The following LCORL variants were observed in gnomAD, a reference collection of about 807,000 sequenced individuals.
LCORL encodes the protein ligand dependent nuclear receptor corepressor like, also known as ligand-dependent nuclear receptor corepressor-like protein.
In LCORL, 41 loss-of-function variants were observed where a neutral mutation model predicts 141.8. That is an observed-to-expected ratio of 0.29 (90% CI 0.23 to 0.38). The LOEUF is 0.38. LCORL is among the 10% of genes least tolerant of loss of function. LCORL has a pLI of 1.00. For missense variants in LCORL, 1,759 were observed against 2,035.0 expected (o/e 0.86, Z 2.61); for synonymous variants, 618 against 694.1 (o/e 0.89, Z 1.72).
At chr4:17,940,426 T>C (rs759146080) in intron 4 of LCORL, among the ~76,000 whole-genome samples, 1 of 148,092 alleles carries the variant, frequency 6.8e-6, no homozygotes, top group African/African-American at 2.4e-5. Flanking sequence ...AATAGTTTTA[T>C]ATTACTATAA....
Position 18,021,323 on chromosome 4 carries a change from G to C in LCORL, c.154+275C>G, listed in dbSNP as rs1725532097. Among the ~76,000 whole-genome samples the C allele has an allele frequency of 6.6e-6, 1 of 152,122 alleles. No individual in the cohort carries two copies. The highest frequency in any genetic ancestry group is 2.1e-4 in the South Asian group (1 of 4,832). On this transcript the variant is annotated intron_variant, in intron 1 of 7. Coordinates refer to ENST00000635767, the Ensembl canonical transcript of LCORL. The surrounding 1 kb of genome is among the most constrained non-coding windows in gnomAD (Gnocchi z 5.5). ...AGGAGTTTCGGGGAGAGAGCGAGCG[G>C]GCGGCTTCCGCGGGGGCTCAGCAAG...
exon 8 of LCORL, chr4:17,843,262 A>G (rs1482621444): frequency 6.3e-7 from 1 of 1,583,388 alleles, no homozygotes; most frequent in Non-Finnish European, 8.6e-7. Flanking sequence ...CTGGTTTTAA[A>G]GCTTGTATCT....
At chr4:18,005,744 A>G (rs780085699) in intron 1 of LCORL, among the ~76,000 whole-genome samples, 10 of 152,212 alleles carry the variant, frequency 6.6e-5, no homozygotes, top group Admixed American at 2.0e-4. Context: ...GGCCCCTTTC[A>G]GTAATGGCTG....
chr4:17,924,731 T>C (rs1734847919), intron 4 of LCORL, among the ~76,000 whole-genome samples: 1 of 152,158 alleles, frequency 6.6e-6, no homozygotes, highest in South Asian at 2.1e-4. Context: ...AGTGAAGCAG[T>C]GGGCTCATGC....
At chr4:17,875,052 A>G (rs1355503963) in exon 7 of LCORL, 14 of 1,233,584 alleles carry the variant, frequency 1.1e-5, no homozygotes, top group Middle Eastern at 2.1e-4. Flanking sequence ...ATTTTTAAAT[A>G]TATCAGCTTC....
At chr4:17,887,598 A>C (rs1728465282) in intron 5 of LCORL, among the ~76,000 whole-genome samples, 1 of 152,168 alleles carries the variant, frequency 6.6e-6, no homozygotes, top group African/African-American at 2.4e-5. Flanking sequence ...GAAGGAAGCC[A>C]GGCCAAGAGT....
At chr4:17,900,395 T>C (rs1730689596) in intron 5 of LCORL, among the ~76,000 whole-genome samples, 1 of 152,196 alleles carries the variant, frequency 6.6e-6, no homozygotes, top group African/African-American at 2.4e-5. Context: ...TATTTATATT[T>C]GATATTTCTT....
chr4:17,889,337 A>G (rs13141926), intron 5 of LCORL, among the ~76,000 whole-genome samples: 18,919 of 152,064 alleles, frequency 0.12, 1,308 homozygotes, highest in South Asian at 0.24. Flanking sequence ...CATCTAGGCT[A>G]TGTTAAAAGT....
chr4:17,973,028 G>A (rs1007212220), intron 1 of LCORL, 143 bp from the exon 2 acceptor site: 9 of 379,446 alleles, frequency 2.4e-5, no homozygotes, highest in Admixed American at 1.4e-4. Context: ...ACTGAAGTAG[G>A]CAATATACAA....
chr4:17,849,967 A>G (rs1040471436), intron 7 of LCORL, among the ~76,000 whole-genome samples: 11 of 151,730 alleles, frequency 7.2e-5, no homozygotes, highest in African/African-American at 2.4e-4. Context: ...AGCCCTCAGA[A>G]ATAATGCCAC....
At chr4:17,969,681 A>G (rs987503821) in intron 2 of LCORL, among the ~76,000 whole-genome samples, 1 of 152,204 alleles carries the variant, frequency 6.6e-6, no homozygotes, top group Non-Finnish European at 1.5e-5. Flanking sequence ...AACATCAAGC[A>G]TGGGTTAAAT....
intron 7 of LCORL, among the ~76,000 whole-genome samples, chr4:17,866,469 G>A (rs567815583): frequency 2.5e-4 from 38 of 152,208 alleles, no homozygotes; most frequent in African/African-American, 7.9e-4. Flanking sequence ...GCACGCAGAA[G>A]ACAAACACTT....
intron 4 of LCORL, among the ~76,000 whole-genome samples, chr4:17,954,230 T>C (rs1192639651): frequency 1.3e-5 from 2 of 151,914 alleles, no homozygotes; most frequent in African/African-American, 2.4e-5. Context: ...GAATTATCAA[T>C]AGGGTGGTGA....
chr4:17,893,006 T>C (rs1407503641), intron 5 of LCORL, among the ~76,000 whole-genome samples: 4 of 152,214 alleles, frequency 2.6e-5, no homozygotes, highest in Non-Finnish European at 4.4e-5. Flanking sequence ...CTCCTTGTTA[T>C]GCTCCTCCAA....
chr4:17,969,966 G>A (rs1715621305), intron 2 of LCORL, among the ~76,000 whole-genome samples: 1 of 152,106 alleles, frequency 6.6e-6, no homozygotes, highest in South Asian at 2.1e-4. Context: ...GTAATATATT[G>A]CTGGGATATC....
intron 4 of LCORL, among the ~76,000 whole-genome samples, chr4:17,922,441 A>G (rs140554536): frequency 6.6e-6 from 1 of 152,330 alleles, no homozygotes; most frequent in East Asian, 1.9e-4. Flanking sequence ...AATACATTTG[A>G]CCATATGTAA....
At chr4:17,971,376 CAACAT>C (rs1279684921) in intron 2 of LCORL, among the ~76,000 whole-genome samples, 3 of 151,432 alleles carry the variant, frequency 2.0e-5, no homozygotes, top group Admixed American at 1.3e-4. Flanking sequence ...ATAAACTCAA[CAACAT>C]AACTGTTAAT....
chr4:17,877,495 T>C lies in LCORL; in HGVS notation c.1495A>G (p.Lys499Glu), dbSNP rs1001865738. Residue 499 changes from lysine (K) to glutamate (E), a missense_variant, in exon 7 of 8, where the codon AAA (lysine) becomes GAA (glutamate). Coordinates refer to ENST00000635767, the Ensembl canonical transcript of LCORL. Reference sequence around the variant, plus strand: ...AAAGAATAAGAGTTACTGGATTTTTTAGTTTTAAGTATTTTATCTTGATGA... The same window carrying C: ...AAAGAATAAGAGTTACTGGATTTTTCAGTTTTAAGTATTTTATCTTGATGA... 6 of 1,229,916 alleles carry C rather than the reference T, an allele frequency of 4.9e-6. No individual in the cohort carries two copies. The African/African-American group carries it at 9.3e-5, about 19-fold the overall frequency. 76.2% of individuals were successfully genotyped at this position (1,229,916 alleles called of 1,614,324 possible).
intron 1 of LCORL, among the ~76,000 whole-genome samples, chr4:17,975,922 A>ATTT (rs756491553): frequency 2.0e-5 from 3 of 151,730 alleles, no homozygotes; most frequent in Non-Finnish European, 4.4e-5. Flanking sequence ...ATCTCTCATG[A>ATTT]TTTTCTGTCT....
Sources: allele counts gnomAD v4.1 joint callset (sites outside exome capture counted in the v4.1 genomes callset), GRCh38; gene constraint gnomAD v4.1.1; non-coding constraint Gnocchi (gnomAD v3.1); transcripts MANE v1.5; gene names NCBI Gene and HGNC (gene_info 2026-07-23, HGNC 2026-07-21).